Variants in HEMK2 observed in about 807,000 individuals in gnomAD.
The protein encoded by HEMK2 is methyltransferase HEMK2.
At chr21:28,586,653 T>G in the HEMK2 span, among the ~76,000 whole-genome samples, 3 of 152,372 alleles carry the variant, frequency 2.0e-5, no homozygotes, top group East Asian at 3.9e-4. Context: ...CAATAAACTT[T>G]TAAAACTTTC....
At chr21:28,782,831 T>C in the HEMK2 span, among the ~76,000 whole-genome samples, 1 of 152,234 alleles carries the variant, frequency 6.6e-6, no homozygotes, top group Non-Finnish European at 1.5e-5. Flanking sequence ...GTGATTTGTA[T>C]AGTATTTGAA....
At chr21:28,617,423 TGTCA>T in the HEMK2 span, among the ~76,000 whole-genome samples, 6 of 152,318 alleles carry the variant, frequency 3.9e-5, no homozygotes, top group African/African-American at 1.4e-4. Context: ...CCCTTAATGG[TGTCA>T]GTATCAAATC....
the HEMK2 span, among the ~76,000 whole-genome samples, chr21:28,739,459 G>C: frequency 3.3e-4 from 51 of 152,292 alleles, no homozygotes; most frequent in African/African-American, 1.2e-3. Context: ...TCAGAACTGA[G>C]GGAAAAAATA....
At chr21:28,672,315 C>CGA in the HEMK2 span, among the ~76,000 whole-genome samples, 3 of 151,968 alleles carry the variant, frequency 2.0e-5, no homozygotes, top group African/African-American at 7.2e-5. Context: ...CTGCCTATCA[C>CGA]TGGGTGTTAA....
At chr21:28,749,603 T>C in the HEMK2 span, among the ~76,000 whole-genome samples, 29,484 of 152,236 alleles carry the variant, frequency 0.19, 3,576 homozygotes, top group African/African-American at 0.34. Context: ...TGAATACTGA[T>C]ACTGTTCAGC....
the HEMK2 span, among the ~76,000 whole-genome samples, chr21:28,859,831 T>C: frequency 6.6e-6 from 1 of 152,286 alleles, no homozygotes; most frequent in Non-Finnish European, 1.5e-5. Context: ...TAACCAAATT[T>C]AGGTCACTAT....
At chr21:28,765,926 G>T in the HEMK2 span, among the ~76,000 whole-genome samples, 1 of 152,030 alleles carries the variant, frequency 6.6e-6, no homozygotes, top group African/African-American at 2.4e-5. Flanking sequence ...CCATACTCCT[G>T]CAAGAATGGC....
chr21:28,882,606 A>G, the HEMK2 span, among the ~76,000 whole-genome samples: 1 of 94,428 alleles, frequency 1.1e-5, no homozygotes, highest in Non-Finnish European at 2.6e-5. Flanking sequence ...TTAAAAACAC[A>G]GGAAATGAAA....
the HEMK2 span, among the ~76,000 whole-genome samples, chr21:28,795,122 T>C: frequency 6.6e-6 from 1 of 152,226 alleles, no homozygotes; most frequent in Non-Finnish European, 1.5e-5. Context: ...CTTTGTTGAA[T>C]TAATTCCATT....
chr21:28,884,588 G>A, the HEMK2 span, among the ~76,000 whole-genome samples: 2 of 152,160 alleles, frequency 1.3e-5, no homozygotes, highest in African/African-American at 4.8e-5. Context: ...TGCTAGGGTA[G>A]ACTATTGTCT....
chr21:28,645,440 G>C, the HEMK2 span, among the ~76,000 whole-genome samples: 4 of 152,128 alleles, frequency 2.6e-5, no homozygotes, highest in African/African-American at 9.7e-5. Flanking sequence ...AAGTTTCAGA[G>C]ACCTATAAAG....
chr21:28,625,541 G>A, the HEMK2 span, among the ~76,000 whole-genome samples: 1 of 151,980 alleles, frequency 6.6e-6, no homozygotes, highest in Non-Finnish European at 1.5e-5. Context: ...CCAACATGGT[G>A]AAACCCCGTC....
chr21:28,847,450 A>G, the HEMK2 span, among the ~76,000 whole-genome samples: 1 of 152,090 alleles, frequency 6.6e-6, no homozygotes, highest in Non-Finnish European at 1.5e-5. Context: ...CATGTTCTTT[A>G]TCCACCTTTT....
chr21:28,613,767 C>T, the HEMK2 span, among the ~76,000 whole-genome samples: 1 of 150,842 alleles, frequency 6.6e-6, no homozygotes, highest in African/African-American at 2.4e-5. Flanking sequence ...AAATAAAGAC[C>T]TTAAGTGTTT....
the HEMK2 span, among the ~76,000 whole-genome samples, chr21:28,615,613 T>C: frequency 6.6e-5 from 10 of 152,240 alleles, no homozygotes; most frequent in African/African-American, 2.4e-4. Context: ...AAAGTGTAGA[T>C]TTTATTTCCC....
the HEMK2 span, among the ~76,000 whole-genome samples, chr21:28,639,656 C>T: frequency 9.2e-5 from 14 of 152,174 alleles, no homozygotes; most frequent in South Asian, 1.2e-3. Context: ...TTAATTTATC[C>T]GAGTATCATC....
chr21:28,802,437 T>C, the HEMK2 span, among the ~76,000 whole-genome samples: 4 of 152,132 alleles, frequency 2.6e-5, no homozygotes, highest in Admixed American at 6.6e-5. Flanking sequence ...GGAACAGAAA[T>C]GGCAAACAGG....
the HEMK2 span, among the ~76,000 whole-genome samples, chr21:28,757,457 A>G: frequency 6.6e-6 from 1 of 152,208 alleles, no homozygotes; most frequent in Non-Finnish European, 1.5e-5. Flanking sequence ...GCAGCAGCCG[A>G]GATCCCAGTG....
the HEMK2 span, among the ~76,000 whole-genome samples, chr21:28,819,238 C>T: frequency 6.6e-6 from 1 of 150,380 alleles, no homozygotes; most frequent in Non-Finnish European, 1.5e-5. Flanking sequence ...TTTCATTTTG[C>T]TGAGTCAAAA....
Sources: gnomAD v4.1 joint callset for allele counts (sites outside exome capture counted in the v4.1 genomes callset) on GRCh38, gnomAD v4.1.1 for gene constraint, MANE v1.5 for transcripts, NCBI Gene and HGNC (gene_info 2026-07-23, HGNC 2026-07-21) for gene names.